LIMCH1: variants seen among roughly 807,000 people sequenced by gnomAD.
LIMCH1 encodes the protein LIM and calponin homology domains 1.
A neutral mutation model predicts 176.5 loss-of-function variants in LIMCH1; 113 were observed. The ratio of observed to expected loss-of-function variants is 0.64; its 90% CI spans 0.55 to 0.75. The LOEUF is 0.75. Ranked by LOEUF, LIMCH1 falls within the 30% of genes least tolerant of loss-of-function variation. The probability of loss-of-function intolerance (pLI) is 0.00; values close to 1 mark genes in which losing one functional copy is unlikely to be tolerated. For missense variants in LIMCH1, 1,674 were observed against 1,814.9 expected, an observed-to-expected ratio of 0.92 and a Z score of 1.41; for synonymous variants, 619 against 645.9, an observed-to-expected ratio of 0.96 and a Z score of 0.63.
chr4:41,449,921 A>G (rs934137490), intron 1 of LIMCH1, among the ~76,000 whole-genome samples: 4 of 152,188 alleles, frequency 2.6e-5, no homozygotes, highest in Admixed American at 1.3e-4. Context: ...GGCCTTCTTC[A>G]GGTTCACCTG....
chr4:41,407,052 T>A (rs868836684), intron 1 of LIMCH1, among the ~76,000 whole-genome samples: 1 of 152,178 alleles, frequency 6.6e-6, no homozygotes, highest in Non-Finnish European at 1.5e-5. Flanking sequence ...TCCAGATCCA[T>A]GCATCTGGTG....
At chr4:41,418,288 T>C (rs991888262) in intron 1 of LIMCH1, among the ~76,000 whole-genome samples, 3 of 152,210 alleles carry the variant, frequency 2.0e-5, no homozygotes, top group Non-Finnish European at 4.4e-5. Context: ...AACAAAAGAC[T>C]CTATTCTAGA....
At chr4:41,469,812 G>C (rs1200286705) in intron 1 of LIMCH1, among the ~76,000 whole-genome samples, 1 of 152,004 alleles carries the variant, frequency 6.6e-6, no homozygotes, top group African/African-American at 2.4e-5. Context: ...CTCCCGAGTA[G>C]CTGGGACTAC....
rs187709675 is a variant in LIMCH1 at position 41,666,241 on chromosome 4, G to T, written c.3292-320G>T. On this transcript the variant is annotated intron_variant, in intron 20 of 31. Transcript: ENST00000503057. ...TCAGTTTTGTGTGGTACCATGAAGA[G>T]AATTTGTGATTGTTCAATAAGAAAA... is the stretch of plus-strand genomic sequence containing the variant. Among the ~76,000 whole-genome samples, 239 of 152,274 alleles carry T rather than the reference G, an allele frequency of 1.6e-3. 2 individuals are homozygous for T. The highest frequency in any genetic ancestry group is 5.5e-3 in the African/African-American group (228 of 41,554).
At chr4:41,585,987 G>A (rs6820898) in intron 1 of LIMCH1, among the ~76,000 whole-genome samples, 52,671 of 151,274 alleles carry the variant, frequency 0.35, 14,704 homozygotes, top group African/African-American at 0.78. Flanking sequence ...GCTTCACTTC[G>A]CTTCTCTTCT....
At chr4:41,370,443 C>T (rs1424756045) in intron 1 of LIMCH1, among the ~76,000 whole-genome samples, 2 of 151,952 alleles carry the variant, frequency 1.3e-5, no homozygotes, top group Non-Finnish European at 2.9e-5. Context: ...AATAAATGGC[C>T]ACGGCTGTGA....
At chr4:41,653,639 C>T (rs1401053409) in intron 18 of LIMCH1, among the ~76,000 whole-genome samples, 1 of 152,230 alleles carries the variant, frequency 6.6e-6, no homozygotes, top group Non-Finnish European at 1.5e-5. Context: ...GGCACAGCAG[C>T]AGCAGTAGGC....
At chr4:41,530,968 A>AACAC (rs951039716) in intron 3 of LIMCH1, among the ~76,000 whole-genome samples, 1 of 151,578 alleles carries the variant, frequency 6.6e-6, no homozygotes, top group Non-Finnish European at 1.5e-5. Context: ...TAATCTTTAC[A>AACAC]ACACACCTGT....
intron 1 of LIMCH1, among the ~76,000 whole-genome samples, chr4:41,372,614 G>C (rs556618790): frequency 6.6e-6 from 1 of 152,246 alleles, no homozygotes; most frequent in African/African-American, 2.4e-5. Flanking sequence ...TTTTCTTTAG[G>C]AATTTCACAT....
chr4:41,677,337 G>A (rs1406948992), intron 23 of LIMCH1, among the ~76,000 whole-genome samples: 1 of 152,146 alleles, frequency 6.6e-6, no homozygotes. Context: ...GAACCCGTGA[G>A]GCGGAGGTTG....
chr4:41,646,848 T>C lies in LIMCH1; in HGVS notation c.2775T>C (p.Pro925=). 5.0e-6 allele frequency: 8 copies of C among 1,614,024 alleles called. No homozygotes were observed. The highest frequency in any genetic ancestry group is 6.8e-6 in the Non-Finnish European group (8 of 1,179,938). The change falls in exon 17 of 32, where the codon CCT becomes CCC. Residue 925 remains proline (P), a synonymous_variant. Transcript: ENST00000503057. ...PKAVPMLTPK[P]YSQPKNSQDV... ...CAGTGCCTATGCTGACACCCAAGCC[T>C]TACTCCCAGCCCAAAAATTCTCAAG... is the stretch of plus-strand genomic sequence containing the variant.
chr4:41,664,420 T>TG (rs1311080636), intron 20 of LIMCH1, among the ~76,000 whole-genome samples: 2 of 152,220 alleles, frequency 1.3e-5, no homozygotes, highest in Non-Finnish European at 2.9e-5. Flanking sequence ...GCCTCTAAAA[T>TG]GCCTGTTGCC....
At chr4:41,573,448 T>C (rs942415423) in intron 1 of LIMCH1, among the ~76,000 whole-genome samples, 2 of 152,254 alleles carry the variant, frequency 1.3e-5, no homozygotes, top group Non-Finnish European at 2.9e-5. Context: ...TGTTGATATG[T>C]ATGTAAATGA....
At chr4:41,423,706 A>G (rs2060826392) in intron 1 of LIMCH1, among the ~76,000 whole-genome samples, 1 of 152,208 alleles carries the variant, frequency 6.6e-6, no homozygotes, top group Non-Finnish European at 1.5e-5. Flanking sequence ...AAATACATCA[A>G]AATATTCTGG....
chr4:41,448,413 A>AGGTTCAG lies in LIMCH1; in HGVS notation c.97-46120_97-46114dup, dbSNP rs2063498028. Among the ~76,000 whole-genome samples, 8 of 152,346 alleles carry AGGTTCAG rather than the reference A, an allele frequency of 5.3e-5. 1 individual carries two copies. In the South Asian group the frequency reaches 1.7e-3, roughly 32 times the overall value. On this transcript the variant is annotated intron_variant, in intron 1 of 26. Transcript: ENST00000313860. ...GATTCTGCAGTTACATTATACCTGC[A>AGGTTCAG]GGTTCAGGGCCTGAGCTTGTCTGTT... is the stretch of plus-strand genomic sequence containing the variant.
In LIMCH1 at chr4:41,699,976, C is replaced by A. The variant is rs1167724639; in HGVS notation, c.*2791C>A. ...TCTGAGAAACAGTAAAAAATAAAAA[C>A]AACAAGTTGTCTAAAATGCAACAGC... On this transcript the variant is annotated 3_prime_UTR_variant, in exon 32 of 32. Coordinates refer to ENST00000503057, the MANE Select transcript of LIMCH1 (RefSeq NM_001330672.2). 1 of 152,082 alleles carries A rather than the reference C, an allele frequency of 6.6e-6. No individual in the cohort carries two copies. The highest frequency in any genetic ancestry group is 1.5e-5 in the Non-Finnish European group (1 of 67,994). The allele number at this position is 152,082 out of a possible 1,614,324, so 9.4% of individuals were successfully genotyped here. A position where few individuals can be genotyped will look rare whatever the true frequency, so the allele number is the denominator to read the frequency against.
intron 26 of LIMCH1, 66 bp downstream of exon 26, chr4:41,682,526 A>G (rs1232359406): frequency 6.6e-7 from 1 of 1,518,302 alleles, no homozygotes; most frequent in East Asian, 2.3e-5. Context: ...CACGCTCAGG[A>G]AGGGTACTCA....
chr4:41,401,052 A>G (rs1014488251), intron 1 of LIMCH1, among the ~76,000 whole-genome samples: 1 of 152,062 alleles, frequency 6.6e-6, no homozygotes, highest in Admixed American at 6.6e-5. Flanking sequence ...CCCATTTGTC[A>G]ATTTTGGCTT....
In LIMCH1 at chr4:41,629,595, C is replaced by G. The variant is rs1157889313; in HGVS notation, c.1132C>G (p.His378Asp). 8.5e-6 allele frequency: 13 copies of G among 1,535,982 alleles called. No individual in the cohort carries two copies. The Admixed American group carries it at 2.6e-4, about 30-fold the overall frequency. The change falls in exon 9 of 32, where the codon CAC becomes GAC. Residue 378 changes from histidine (H) to aspartate (D), a missense_variant. Around this residue, in one of 3 missense-constraint regions of LIMCH1, gnomAD observed 655 missense variants for 692.2 expected, o/e 0.95. Transcript: ENST00000503057. ...EGGLRKVPDL[H>D]KDDLAQQRIQ... is the part of the protein sequence containing the mutation. ...AGGACTCAGGAAGGTGCCAGATCTTCACAAGGATGACCTGGCCCAGCAGAG... is the reference window on the plus strand; with the variant it reads ...AGGACTCAGGAAGGTGCCAGATCTTGACAAGGATGACCTGGCCCAGCAGAG...
Sources: allele counts gnomAD v4.1 joint callset (sites outside exome capture counted in the v4.1 genomes callset), GRCh38; gene constraint gnomAD v4.1.1; regional missense constraint gnomAD v4.1.1; transcripts MANE v1.5; gene names NCBI Gene and HGNC (gene_info 2026-07-23, HGNC 2026-07-21).